The following IKZF3 variants were observed in gnomAD, a reference collection of about 807,000 sequenced individuals.
IKZF3 encodes IKAROS family zinc finger 3.
A neutral mutation model predicts 49.0 loss-of-function variants in IKZF3; 10 were observed. That is an observed-to-expected ratio of 0.20 (90% CI 0.13 to 0.35). The LOEUF is 0.35. IKZF3 is among the 10% of genes least tolerant of loss of function. IKZF3 has a pLI of 1.00. For missense variants in IKZF3, 498 were observed against 664.8 expected, an observed-to-expected ratio of 0.75 and a Z score of 2.76; for synonymous variants, 209 against 228.2, an observed-to-expected ratio of 0.92 and a Z score of 0.76.
intron 1 of IKZF3, among the ~76,000 whole-genome samples, chr17:39,832,620 T>C (rs1457273433): frequency 1.3e-5 from 2 of 151,914 alleles, no homozygotes; most frequent in Non-Finnish European, 2.9e-5. Flanking sequence ...TTAAGTGAAA[T>C]AAGTCAGGCA....
intron 4 of IKZF3, 109 bp downstream of exon 4, chr17:39,792,564 A>T: frequency 1.8e-6 from 2 of 1,131,314 alleles, no homozygotes; most frequent in Non-Finnish European, 2.5e-6. Flanking sequence ...CATCAGCATT[A>T]TAGCAAAAAT....
intron 1 of IKZF3, among the ~76,000 whole-genome samples, chr17:39,862,087 T>C (rs997606179): frequency 1.3e-5 from 2 of 152,152 alleles, no homozygotes; most frequent in Non-Finnish European, 2.9e-5. Context: ...AGTCTTTGGG[T>C]AGAAAATATT....
At chr17:39,775,454 T>A (rs527720015) in intron 7 of IKZF3, among the ~76,000 whole-genome samples, 4 of 152,314 alleles carry the variant, frequency 2.6e-5, no homozygotes, top group Admixed American at 2.0e-4. Flanking sequence ...CAAAATGGCA[T>A]GAATTTGCAC....
chr17:39,802,221 C>CAAAAA lies in IKZF3; in HGVS notation c.164-9293_164-9289dup, dbSNP rs56029512. On this transcript the variant is annotated intron_variant, in intron 3 of 7. Coordinates refer to ENST00000346872, the MANE Select transcript of IKZF3 (RefSeq NM_012481.5). ...TGGGTGACAGAGTGAGACTCCATCT[C>CAAAAA]AAAAAAAAAAAAAAAAAAAAAAAAA... 5.0e-4 allele frequency among the ~76,000 whole-genome samples: 27 copies of CAAAAA among 54,392 alleles called. No individual in the cohort carries two copies. In the Middle Eastern group the frequency reaches 0.062, roughly 126 times the overall value. 35.7% of individuals were successfully genotyped at this position (54,392 alleles called of 152,430 possible).
At chr17:39,861,371 C>T (rs112868532) in intron 1 of IKZF3, among the ~76,000 whole-genome samples, 7 of 152,106 alleles carry the variant, frequency 4.6e-5, no homozygotes, top group African/African-American at 1.4e-4. Flanking sequence ...GCCTTCATGG[C>T]GATGATGCCT....
In IKZF3 at chr17:39,766,159, C is replaced by T. The variant is rs773375040; in HGVS notation, c.1161G>A (p.Thr387=). 6 of 1,613,846 alleles carry T rather than the reference C, an allele frequency of 3.7e-6. No individual in the cohort carries two copies. Among genetic ancestry groups the T allele is most frequent in the East Asian group, 2.2e-5 (1 of 44,880 alleles). The stretch of plus-strand genomic sequence containing the variant: ...GTTCTTCATGGTTGCTGTCAGTGTC[C>T]GTGGAGTCGTGGCCACTATTGTTGG... ...LSPNNSGHDS[T]DTDSNHEERQ... The change falls in exon 8 of 8, where the codon ACG becomes ACA. Residue 387 remains threonine (T), a synonymous_variant. Transcript: ENST00000346872.
intron 1 of IKZF3, among the ~76,000 whole-genome samples, chr17:39,836,240 C>T (rs979261496): frequency 2.0e-5 from 3 of 152,216 alleles, no homozygotes; most frequent in African/African-American, 7.2e-5. Flanking sequence ...TCGGCCATAG[C>T]CTCCACCCAG....
chr17:39,845,134 T>C lies in IKZF3; in HGVS notation c.8-12983A>G, dbSNP rs146960443. Among the ~76,000 whole-genome samples the C allele has an allele frequency of 1.1e-3, 174 of 152,372 alleles. 1 individual carries two copies. Among genetic ancestry groups the C allele is most frequent in the African/African-American group, 3.9e-3 (161 of 41,592 alleles). ...GCCTGTTATTGTACTGCCTGTGAAC[T>C]AAGAATGGTTTTTACATCTTTAAAT... On this transcript the variant is annotated intron_variant, in intron 1 of 7. Coordinates refer to ENST00000346872, the MANE Select transcript of IKZF3 (RefSeq NM_012481.5).
intron 3 of IKZF3, among the ~76,000 whole-genome samples, chr17:39,812,699 T>G (rs957550330): frequency 2.6e-5 from 4 of 152,212 alleles, no homozygotes; most frequent in Non-Finnish European, 5.9e-5. Flanking sequence ...AGAACTCACT[T>G]GGCAAGAAAA....
rs1368940974 is a variant in IKZF3 at position 39,827,979 on chromosome 17, G to A, written c.163+1408C>T. ...GGATTAGGGAAGAGGAGGTGGGGGA[G>A]GATGCTGATATGACTATACAATTCT... On this transcript the variant is annotated intron_variant, in intron 3 of 7. Transcript: ENST00000346872. Among the ~76,000 whole-genome samples the A allele has an allele frequency of 6.6e-5, 10 of 152,176 alleles. No homozygotes were observed. In the East Asian group the frequency reaches 7.7e-4, roughly 12 times the overall value.
chr17:39,789,894 G>A (rs1280161536), intron 5 of IKZF3, among the ~76,000 whole-genome samples: 1 of 133,118 alleles, frequency 7.5e-6, no homozygotes, highest in Admixed American at 8.1e-5. Context: ...GCAAGACTCC[G>A]TCTCAAAAAA....
At chr17:39,825,681 G>A (rs1252202216) in intron 3 of IKZF3, among the ~76,000 whole-genome samples, 1 of 152,130 alleles carries the variant, frequency 6.6e-6, no homozygotes, top group Non-Finnish European at 1.5e-5. Flanking sequence ...TTGGACCAGA[G>A]AATTTCCATT....
intron 1 of IKZF3, among the ~76,000 whole-genome samples, chr17:39,855,354 G>T (rs991631820): frequency 2.0e-5 from 3 of 152,160 alleles, no homozygotes; most frequent in South Asian, 2.1e-4. Flanking sequence ...TCATTGTGTA[G>T]AGTAGTAGTT....
At chr17:39,858,009 A>G (rs1462554105) in intron 1 of IKZF3, among the ~76,000 whole-genome samples, 1 of 152,136 alleles carries the variant, frequency 6.6e-6, no homozygotes, top group Non-Finnish European at 1.5e-5. Context: ...ACTTTGGAAA[A>G]TAACAGTCTA....
intron 1 of IKZF3, among the ~76,000 whole-genome samples, chr17:39,858,296 T>TA (rs1408820837): frequency 2.0e-5 from 3 of 151,590 alleles, no homozygotes; most frequent in Admixed American, 2.0e-4. Context: ...ATGTCTCTAT[T>TA]AAAAAAAAGG....
intron 5 of IKZF3, among the ~76,000 whole-genome samples, 164 bp downstream of exon 5, chr17:39,791,252 A>G (rs1031724026): frequency 2.0e-5 from 3 of 152,302 alleles, no homozygotes; most frequent in African/African-American, 7.2e-5. Context: ...GAGAGCAATT[A>G]GTGCCTTAAT....
chr17:39,797,003 A>C (rs1011342298), intron 3 of IKZF3, among the ~76,000 whole-genome samples: 8 of 151,472 alleles, frequency 5.3e-5, no homozygotes, highest in Non-Finnish European at 4.4e-5. Flanking sequence ...TCTCTACTAA[A>C]AATACAAAAA....
chr17:39,836,566 C>T (rs1433678206), intron 1 of IKZF3, among the ~76,000 whole-genome samples: 1 of 152,176 alleles, frequency 6.6e-6, no homozygotes, highest in East Asian at 1.9e-4. Flanking sequence ...TCATTCAGAT[C>T]TATGGATATA....
At chr17:39,778,050 C>A (rs150149539) in intron 6 of IKZF3, 3 of 1,064,346 alleles carry the variant, frequency 2.8e-6, no homozygotes, top group Non-Finnish European at 2.3e-6. Context: ...ACAGCCTGGA[C>A]GTGGTTGGTT....
Sources: allele counts gnomAD v4.1 joint callset (sites outside exome capture counted in the v4.1 genomes callset), GRCh38; gene constraint gnomAD v4.1.1; transcripts MANE v1.5; gene names NCBI Gene and HGNC (gene_info 2026-07-23, HGNC 2026-07-21).